The following SLC24A4 variants were observed in gnomAD, a reference collection of about 807,000 sequenced individuals.
SLC24A4 encodes the protein solute carrier family 24 member 4.
SLC24A4 carries 53 observed loss-of-function variants against 79.0 expected under a neutral mutation model. The observed-to-expected ratio is 0.67, with a 90% CI of 0.54 to 0.84. SLC24A4 has a LOEUF of 0.84. Among genes scored for constraint, SLC24A4 ranks in the 40% least tolerant of loss-of-function variants. The probability of loss-of-function intolerance (pLI) is 0.00; values close to 1 mark genes in which losing one functional copy is unlikely to be tolerated. For missense variants in SLC24A4, 731 were observed against 822.0 expected (o/e 0.89, Z 1.35); for synonymous variants, 323 against 323.8 (o/e 1.00, Z 0.03).
chr14:92,360,095 T>C (rs1887418540), intron 2 of SLC24A4, among the ~76,000 whole-genome samples: 1 of 152,174 alleles, frequency 6.6e-6, no homozygotes, highest in Admixed American at 6.5e-5. Flanking sequence ...TGTTTTGTAT[T>C]TTTAGCAGAG....
At chr14:92,324,181 G>C (rs1022585718) in intron 1 of SLC24A4, among the ~76,000 whole-genome samples, 5 of 152,214 alleles carry the variant, frequency 3.3e-5, no homozygotes, top group African/African-American at 9.6e-5. Flanking sequence ...CCCCTGGGGG[G>C]GCTCAGGACG....
chr14:92,439,554 C>A, intron 4 of SLC24A4, 145 bp downstream of exon 4: 1 of 734,050 alleles, frequency 1.4e-6, no homozygotes, highest in Non-Finnish European at 2.3e-6. Context: ...TGCCCCATGG[C>A]GAAGCCTCGC....
intron 12 of SLC24A4, among the ~76,000 whole-genome samples, chr14:92,471,709 T>A (rs1008869913): frequency 1.3e-5 from 2 of 152,088 alleles, no homozygotes; most frequent in Admixed American, 1.3e-4. Flanking sequence ...AGCTTGACTC[T>A]CATACCCACC....
At position 92,323,741 on chromosome 14, in the gene SLC24A4, C is replaced by G. The variant is rs1884933693; in HGVS notation, c.-90C>G. On this transcript the variant is annotated 5_prime_UTR_variant, in exon 1 of 17. Transcript: ENST00000532405. This position sits in a 1 kb window ranked among gnomAD's most constrained non-coding sequence, Gnocchi z 4.9. The stretch of plus-strand genomic sequence containing the variant: ...TCGCCTCTGAGTCGCGCACCGCCTG[C>G]TCCAGCCCCAGCGCCGCTCGGCCAC... 3 of 1,462,038 alleles carry G rather than the reference C, an allele frequency of 2.1e-6. No individual in the cohort carries two copies. In the South Asian group the frequency reaches 4.1e-5, roughly 20 times the overall value. 90.6% of individuals were successfully genotyped at this position (1,462,038 alleles called of 1,614,324 possible).
chr14:92,433,715 T>C (rs1892002507), intron 2 of SLC24A4, among the ~76,000 whole-genome samples, 197 bp from the exon 3 acceptor site: 1 of 152,208 alleles, frequency 6.6e-6, no homozygotes, highest in Non-Finnish European at 1.5e-5. Context: ...TGGAATATCT[T>C]TGCATAATCC....
intron 2 of SLC24A4, among the ~76,000 whole-genome samples, chr14:92,327,973 G>A (rs1885246328): frequency 6.6e-6 from 1 of 152,234 alleles, no homozygotes; most frequent in Non-Finnish European, 1.5e-5. Context: ...GAATGAAAGT[G>A]CATTTTGATG....
chr14:92,338,943 C>A (rs951757424), intron 2 of SLC24A4, among the ~76,000 whole-genome samples: 1 of 152,170 alleles, frequency 6.6e-6, no homozygotes, highest in African/African-American at 2.4e-5. Flanking sequence ...CTGCTTATAG[C>A]GAATGATGAC....
chr14:92,473,904 A>G (rs1894572423), intron 12 of SLC24A4, among the ~76,000 whole-genome samples: 1 of 152,192 alleles, frequency 6.6e-6, no homozygotes, highest in Admixed American at 6.5e-5. Context: ...GGGAGAAATG[A>G]TCCCATCTCA....
At chr14:92,402,819 C>A (rs1020489880) in intron 2 of SLC24A4, among the ~76,000 whole-genome samples, 6 of 152,132 alleles carry the variant, frequency 3.9e-5, no homozygotes, top group African/African-American at 1.4e-4. Flanking sequence ...ATTCAATCAC[C>A]TCCCACTGGG....
Position 92,499,704 on chromosome 14 carries a change from G to A in SLC24A4, c.*6076G>A, listed in dbSNP as rs1209680688. On this transcript the variant is annotated 3_prime_UTR_variant, in exon 17 of 17. Coordinates refer to ENST00000532405, the MANE Select transcript of SLC24A4 (RefSeq NM_153646.4). The stretch of plus-strand genomic sequence containing the variant: ...TTTGTTTTCATTTTTTTTTTTTTTA[G>A]AGACAGGATCTCGCTGTGTTCCCCA... The A allele has an allele frequency of 6.8e-6, 1 of 147,938 alleles. No individual in the cohort carries two copies. Among genetic ancestry groups the A allele is most frequent in the Non-Finnish European group, 1.5e-5 (1 of 67,036 alleles). The allele number at this position is 147,938 out of a possible 1,614,324, so 9.2% of individuals were successfully genotyped here.
intron 2 of SLC24A4, among the ~76,000 whole-genome samples, chr14:92,340,204 A>T (rs1257944820): frequency 6.6e-6 from 1 of 152,260 alleles, no homozygotes; most frequent in Non-Finnish European, 1.5e-5. Flanking sequence ...CCCAGCAGGC[A>T]CTTACTGGGT....
In SLC24A4 at chr14:92,482,817, G is replaced by A. The variant is rs778938351; in HGVS notation, c.1393G>A (p.Ala465Thr). Residue 465 changes from alanine (A) to threonine (T), a missense_variant, in exon 13 of 17, where the codon GCT becomes ACT. By Grantham distance (58) the Ala-to-Thr change is moderately conservative. Coordinates refer to ENST00000532405, the MANE Select transcript of SLC24A4 (RefSeq NM_153646.4). ...CTTCATCACCGCCACGCTGTGGATC[G>A]CTGTGTTCTCCTACATCATGGTGTG... ...VTFITATLWI[A>T]VFSYIMVWLV... The A allele has an allele frequency of 3.0e-5, 48 of 1,613,254 alleles. No homozygotes were observed. Among genetic ancestry groups the A allele is most frequent in the Non-Finnish European group, 3.1e-5 (37 of 1,179,520 alleles).
At chr14:92,331,671 A>G (rs1187852951) in intron 2 of SLC24A4, among the ~76,000 whole-genome samples, 1 of 152,222 alleles carries the variant, frequency 6.6e-6, no homozygotes, top group African/African-American at 2.4e-5. Context: ...TTTTAAAACC[A>G]TAATACGTGC....
chr14:92,430,214 C>T (rs77658667), intron 2 of SLC24A4, among the ~76,000 whole-genome samples: 2,738 of 152,294 alleles, frequency 0.018, 98 homozygotes, highest in African/African-American at 0.061. Flanking sequence ...TATCTGAGGG[C>T]GCTCAGGGTC....
At chr14:92,325,097 C>T (rs1885050835) in intron 1 of SLC24A4, among the ~76,000 whole-genome samples, 1 of 152,174 alleles carries the variant, frequency 6.6e-6, no homozygotes, top group Non-Finnish European at 1.5e-5. Flanking sequence ...CCCTCAATTA[C>T]ACACCAGAAA....
intron 2 of SLC24A4, among the ~76,000 whole-genome samples, chr14:92,424,942 A>C (rs1426016465): frequency 6.6e-6 from 1 of 152,146 alleles, no homozygotes; most frequent in African/African-American, 2.4e-5. Flanking sequence ...GTCACTCACC[A>C]CTTGCGCCCA....
chr14:92,389,117 G>A (rs898588186), intron 2 of SLC24A4, among the ~76,000 whole-genome samples: 4 of 152,226 alleles, frequency 2.6e-5, no homozygotes, highest in African/African-American at 9.6e-5. Flanking sequence ...GCCTAGGGCT[G>A]ATGATTGTTG....
chr14:92,488,319 G>C (rs1895490802), intron 14 of SLC24A4, among the ~76,000 whole-genome samples: 1 of 152,198 alleles, frequency 6.6e-6, no homozygotes, highest in Middle Eastern at 3.4e-3. Context: ...TGATCCACCT[G>C]TCTCAGCCTC....
chr14:92,450,899 C>T (rs944078786), intron 10 of SLC24A4: 13 of 152,378 alleles, frequency 8.5e-5, no homozygotes, highest in African/African-American at 3.1e-4. Flanking sequence ...TCCTCACCTT[C>T]CCAGAGCAAC....
Sources: allele counts gnomAD v4.1 joint callset (sites outside exome capture counted in the v4.1 genomes callset), GRCh38; gene constraint gnomAD v4.1.1; non-coding constraint Gnocchi (gnomAD v3.1); transcripts MANE v1.5; gene names NCBI Gene and HGNC (gene_info 2026-07-23, HGNC 2026-07-21).